The following CCDC141 variants were observed in gnomAD, a reference collection of about 807,000 sequenced individuals.
CCDC141 encodes coiled-coil domain-containing protein 141.
CCDC141 carries 168 observed loss-of-function variants against 181.0 expected under a neutral mutation model. The ratio of observed to expected loss-of-function variants is 0.93; its 90% CI spans 0.82 to 1.05. The LOEUF (loss-of-function observed/expected upper bound fraction) is 1.05, where lower values mean the gene tolerates loss of function less well. CCDC141 is among the 50% of genes least tolerant of loss of function. The pLI is 0.00. For missense variants in CCDC141, 1,902 were observed against 1,788.5 expected (o/e 1.06, Z -1.14); for synonymous variants, 666 against 642.3 (o/e 1.04, Z -0.56).
At chr2:178,889,361 T>C (rs1323821597) in intron 8 of CCDC141, among the ~76,000 whole-genome samples, 1 of 152,178 alleles carries the variant, frequency 6.6e-6, no homozygotes, top group African/African-American at 2.4e-5. Context: ...AGTCCAAAGA[T>C]ATCTTAACAA....
At chr2:178,854,925 CT>C (rs1245234066) in intron 19 of CCDC141, among the ~76,000 whole-genome samples, 1 of 152,142 alleles carries the variant, frequency 6.6e-6, no homozygotes, top group Non-Finnish European at 1.5e-5. Flanking sequence ...CCAATAACAA[CT>C]TTTTGTAGCT....
chr2:178,866,137 T>C (rs2154368621), intron 16 of CCDC141, among the ~76,000 whole-genome samples: 1 of 152,338 alleles, frequency 6.6e-6, no homozygotes, highest in Non-Finnish European at 1.5e-5. Context: ...ATCTCTAGTG[T>C]TGAAGATTCG....
intron 11 of CCDC141, among the ~76,000 whole-genome samples, chr2:178,880,737 A>T (rs1204185376): frequency 1.3e-5 from 2 of 152,226 alleles, no homozygotes; most frequent in Non-Finnish European, 2.9e-5. Flanking sequence ...TGTTATAAGA[A>T]TTAAATAAAA....
chr2:178,836,647 C>T (rs1033483718), intron 23 of CCDC141: 1 of 385,272 alleles, frequency 2.6e-6, no homozygotes, highest in Non-Finnish European at 4.6e-6. Flanking sequence ...CACAACCAAC[C>T]TACAGTGCTT....
intron 6 of CCDC141, among the ~76,000 whole-genome samples, chr2:178,925,357 G>A (rs1245576847): frequency 2.6e-5 from 4 of 152,148 alleles, no homozygotes; most frequent in African/African-American, 9.7e-5. Flanking sequence ...CCACTGAGTG[G>A]ACCCACTAAG....
chr2:178,985,967 T>C (rs1349350071), intron 2 of CCDC141, among the ~76,000 whole-genome samples: 1 of 152,200 alleles, frequency 6.6e-6, no homozygotes, highest in Non-Finnish European at 1.5e-5. Flanking sequence ...ACTCATTTTA[T>C]GAGGCCAGCA....
Position 178,905,343 on chromosome 2 carries a change from T to C in CCDC141, c.1251A>G (p.Gln417=), listed in dbSNP as rs1222980325. The C allele has an allele frequency of 2.6e-6, 4 of 1,549,230 alleles. No homozygotes were observed. Among genetic ancestry groups the C allele is most frequent in the Non-Finnish European group, 2.6e-6 (3 of 1,146,530 alleles). The change falls in exon 8 of 24, where the codon CAA becomes CAG. Residue 417 remains glutamine, a synonymous_variant. Coordinates refer to ENST00000443758, the MANE Select transcript of CCDC141 (RefSeq NM_173648.4). ...ALQKGQTLIS[Q]VDSCSSQVSG... ...ACTTTACTCACCTGCAGGAGTCTACTTGGCTGATTAAGGTTTGTCCCTTTT... is the reference window on the plus strand; with the variant it reads ...ACTTTACTCACCTGCAGGAGTCTACCTGGCTGATTAAGGTTTGTCCCTTTT...
rs757686549 is a variant in CCDC141, at chr2:178,923,096, ATT to A, written c.898-4191_898-4190del. On this transcript the variant is annotated intron_variant, in intron 6 of 23. Transcript: ENST00000443758. ...TCATAGGGGACACTTCCACCAGTTT[ATT>A]TTTTTTTTTTCTTTTTTTTTTTTTG... is the stretch of plus-strand genomic sequence containing the variant. Among the ~76,000 whole-genome samples the A allele has an allele frequency of 1.3e-3, 178 of 137,814 alleles. 2 individuals are homozygous for A. Among genetic ancestry groups the A allele is most frequent in the African/African-American group, 3.2e-3 (117 of 36,490 alleles). The allele number at this position is 137,814 out of a possible 152,430, so 90.4% of individuals were successfully genotyped here.
intron 8 of CCDC141, among the ~76,000 whole-genome samples, chr2:178,902,557 A>G (rs1490971892): frequency 6.6e-6 from 1 of 152,220 alleles, no homozygotes; most frequent in Non-Finnish European, 1.5e-5. Context: ...AGCCATATGT[A>G]GAAAGCTGAA....
intron 21 of CCDC141, among the ~76,000 whole-genome samples, chr2:178,846,417 G>A (rs887594786): frequency 6.6e-6 from 1 of 152,154 alleles, no homozygotes; most frequent in Non-Finnish European, 1.5e-5. Flanking sequence ...AGTTTAGAAT[G>A]ATGATTATAC....
intron 17 of CCDC141, among the ~76,000 whole-genome samples, chr2:178,861,912 T>C (rs1685637395): frequency 1.3e-5 from 2 of 152,234 alleles, no homozygotes; most frequent in Admixed American, 6.5e-5. Flanking sequence ...ACTATACCAT[T>C]GTGCTGCCCT....
intron 4 of CCDC141, among the ~76,000 whole-genome samples, chr2:178,973,561 G>A (rs1240142254): frequency 1.3e-5 from 2 of 152,130 alleles, no homozygotes; most frequent in Non-Finnish European, 2.9e-5. Flanking sequence ...GGCCCACAGT[G>A]CCGCAGATCC....
In CCDC141 at chr2:178,837,417, G is replaced by T; in HGVS notation, c.3802C>A (p.Pro1268Thr). The change falls in exon 23 of 24, where the codon CCA becomes ACA. Residue 1268 changes from proline to threonine, a missense_variant. Coordinates refer to ENST00000443758, the MANE Select transcript of CCDC141 (RefSeq NM_173648.4). ...CATGCATCCGCAAAGGCAACAGGTG[G>T]TGGAAGAACAGATTCCTGGGCATCC... ...PGDAQESVLP[P>T]PVAFADACND... 1 of 1,614,100 alleles carries T rather than the reference G, an allele frequency of 6.2e-7. No individual in the cohort carries two copies. The highest frequency in any genetic ancestry group is 8.5e-7 in the Non-Finnish European group (1 of 1,179,980).
chr2:178,918,979 T>A, intron 6 of CCDC141, 72 bp from the exon 7 acceptor site: 1 of 1,322,636 alleles, frequency 7.6e-7, no homozygotes, highest in South Asian at 1.4e-5. Context: ...CCCCCCGAAA[T>A]TCCTCTGCTG....
At chr2:179,013,907 G>C (rs1216223992) in intron 2 of CCDC141, among the ~76,000 whole-genome samples, 1 of 118,456 alleles carries the variant, frequency 8.4e-6, no homozygotes, top group East Asian at 3.0e-4. Context: ...GCAGTGAACT[G>C]CCAAGATCAC....
At chr2:178,919,023 T>G (rs770668087) in intron 6 of CCDC141, 116 bp from the exon 7 acceptor site, 4 of 961,246 alleles carry the variant, frequency 4.2e-6, no homozygotes, top group African/African-American at 1.6e-5. Flanking sequence ...TATTAGGAAG[T>G]AGGGCTTTGG....
intron 7 of CCDC141, among the ~76,000 whole-genome samples, chr2:178,910,723 A>C (rs1688183904): frequency 1.3e-5 from 2 of 152,240 alleles, no homozygotes; most frequent in Non-Finnish European, 2.9e-5. Context: ...CCTCTGCTGC[A>C]GCTCCAGCTT....
At chr2:179,019,701 T>C (rs7558039) in intron 2 of CCDC141, among the ~76,000 whole-genome samples, 127,093 of 152,070 alleles carry the variant, frequency 0.84, 53,483 homozygotes, top group East Asian at 0.94. Context: ...TCCAATACAT[T>C]GGTATAGCTC....
At chr2:178,925,790 C>T (rs569165501) in intron 6 of CCDC141, among the ~76,000 whole-genome samples, 34 of 152,076 alleles carry the variant, frequency 2.2e-4, no homozygotes, top group Admixed American at 6.5e-4. Context: ...CAGATTGTGC[C>T]ATGGACTGAC....
Sources: allele counts gnomAD v4.1 joint callset (sites outside exome capture counted in the v4.1 genomes callset), GRCh38; gene constraint gnomAD v4.1.1; transcripts MANE v1.5; gene names NCBI Gene and HGNC (gene_info 2026-07-23, HGNC 2026-07-21).